The following TAP1 variants were observed in gnomAD, a reference collection of about 807,000 sequenced individuals.
TAP1 encodes antigen peptide transporter 1.
Under a neutral mutation model 79.3 loss-of-function variants are expected in TAP1, and 56 were observed. The ratio of observed to expected loss-of-function variants is 0.71; its 90% CI spans 0.57 to 0.88. The LOEUF is 0.88. TAP1 is among the 40% of genes least tolerant of loss of function. TAP1 has a pLI of 0.00. For synonymous variants in TAP1, 355 were observed against 401.4 expected (o/e 0.88, Z 1.38); for missense variants, 737 against 936.3 (o/e 0.79, Z 2.78).
At chr6:32,849,280 T>G in intron 5 of TAP1, 162 bp from the exon 6 acceptor site, 1 of 781,204 alleles carries the variant, frequency 1.3e-6, no homozygotes, top group Non-Finnish European at 2.1e-6. Flanking sequence ...CCCCATGGAG[T>G]CTGACTCAAT....
chr6:32,847,294 TCACA>T lies in TAP1; in HGVS notation c.1904-94_1904-91del. 6.4e-7 allele frequency: 1 copy of T among 1,573,586 alleles called. No individual in the cohort carries two copies. Among genetic ancestry groups the T allele is most frequent in the Non-Finnish European group, 8.7e-7 (1 of 1,154,890 alleles). On this transcript the variant is annotated intron_variant, in intron 9 of 10. Coordinates refer to ENST00000354258, the MANE Select transcript of TAP1 (RefSeq NM_000593.6). This position sits in a 1 kb window ranked among gnomAD's most constrained non-coding sequence, Gnocchi z 4.7. ...CAGACACACTCATGCATTCACGCACTCACACACACCAAGATCTGACGGTTGTAGC... is the reference window on the plus strand; with the variant it reads ...CAGACACACTCATGCATTCACGCACTCACACCAAGATCTGACGGTTGTAGC...
Position 32,847,554 on chromosome 6 carries a change from G to A in TAP1, c.1862C>T (p.Ala621Val), listed in dbSNP as rs139871208. The change falls in exon 9 of 11, where the codon GCC becomes GTC. Residue 621 changes from alanine to valine, a missense_variant. Coordinates refer to ENST00000354258, the MANE Select transcript of TAP1 (RefSeq NM_000593.6). This position sits in a 1 kb window ranked among gnomAD's most constrained non-coding sequence, Gnocchi z 4.7. ...AGGGAGTCCAGAGATGAAACTATGG[G>A]CCCCAGACTTTACTGCAGCAGCTGT... ...EITAAAVKSG[A>V]HSFISGLPQG... The A allele has an allele frequency of 6.2e-7, 1 of 1,613,992 alleles. No homozygotes were observed. The highest frequency in any genetic ancestry group is 1.3e-5 in the African/African-American group (1 of 75,030).
At chr6:32,846,977 G>A in intron 10 of TAP1, 91 bp downstream of exon 10, 2 of 1,581,264 alleles carry the variant, frequency 1.3e-6, no homozygotes, top group African/African-American at 1.3e-5. Context: ...GGACTGGTTT[G>A]TATAATTATG....
In TAP1 at chr6:32,850,239, T is replaced by G; in HGVS notation, c.1248+81A>C. The G allele has an allele frequency of 6.8e-7, 1 of 1,461,798 alleles. No individual in the cohort carries two copies. The highest frequency in any genetic ancestry group is 2.3e-5 in the East Asian group (1 of 44,164). The allele number at this position is 1,461,798 out of a possible 1,614,324, so 90.6% of individuals were successfully genotyped here. On this transcript the variant is annotated intron_variant, in intron 5 of 10. Transcript: ENST00000354258. The surrounding 1 kb of genome is among the most constrained non-coding windows in gnomAD (Gnocchi z 5.5). ...CAACCATTTCCCAGTAAAGGAGGAG[T>G]GGGAGCAGGGTCATAGGAATGGGAA...
Position 32,851,190 on chromosome 6 carries a change from G to C in TAP1, c.845-41C>G, listed in dbSNP as rs1252306379. On this transcript the variant is annotated intron_variant, in intron 3 of 10. Coordinates refer to ENST00000354258, the MANE Select transcript of TAP1 (RefSeq NM_000593.6). This position sits in a 1 kb window ranked among gnomAD's most constrained non-coding sequence, Gnocchi z 4.8. Reference sequence around the variant, plus strand: ...GAAGAGAGTGAGGTGAATCAGACAGGTTCCAAGTGATGAGACGAACTAACA... The same window carrying C: ...GAAGAGAGTGAGGTGAATCAGACAGCTTCCAAGTGATGAGACGAACTAACA... 1 of 1,596,558 alleles carries C rather than the reference G, an allele frequency of 6.3e-7. No homozygotes were observed.
chr6:32,853,268 C>T lies in TAP1; in HGVS notation c.369G>A (p.Gly123=), dbSNP rs760088609. 4 of 1,589,320 alleles carry T rather than the reference C, an allele frequency of 2.5e-6. No individual in the cohort carries two copies. The highest frequency in any genetic ancestry group is 2.6e-6 in the Non-Finnish European group (3 of 1,167,298). Residue 123 remains glycine (G), a synonymous_variant, in exon 1 of 11, where the codon GGG becomes GGA. Transcript: ENST00000354258. The surrounding 1 kb of genome is among the most constrained non-coding windows in gnomAD (Gnocchi z 8.3). The stretch of plus-strand genomic sequence containing the variant: ...GCAGTAGCCTGGTGCTATCCGCGGA[C>T]CCGGGGGCTCCCCATGAGATCAGCT... ...FRELISWGAP[G]SADSTRLLHW...
Position 32,853,076 on chromosome 6 carries a change from G to T in TAP1, c.561C>A (p.Leu187=), listed in dbSNP as rs777396404. 6.2e-7 allele frequency: 1 copy of T among 1,612,574 alleles called. No homozygotes were observed. The change falls in exon 1 of 11, where the codon CTC becomes CTA. Residue 187 remains leucine, a synonymous_variant. Coordinates refer to ENST00000354258, the MANE Select transcript of TAP1 (RefSeq NM_000593.6). This position sits in a 1 kb window ranked among gnomAD's most constrained non-coding sequence, Gnocchi z 8.3. ...LGCLGSETRR[L]SLFLVLVVLS... is the part of the protein sequence containing the mutation. ...GGACCACCAGGACCAGGAACAGCGA[G>T]AGGCGGCGCGTCTCCGAGCCCAGGC...
Position 32,853,454 on chromosome 6 carries a change from G to T in TAP1, c.183C>A (p.Gly61=). 1 of 1,611,658 alleles carries T rather than the reference G, an allele frequency of 6.2e-7. No homozygotes were observed. The stretch of plus-strand genomic sequence containing the variant: ...GCCAGAGCACGGCCCAGCGGCTCAG[G>T]CCCACCGCCCAGACCCGGAGCAGTG... The part of the protein sequence containing the change: ...ALPLLRVWAV[G]LSRWAVLWLG... Residue 61 remains glycine, a synonymous_variant, in exon 1 of 11, where the codon GGC becomes GGA. Transcript: ENST00000354258. This position sits in a 1 kb window ranked among gnomAD's most constrained non-coding sequence, Gnocchi z 8.3.
At position 32,852,782 on chromosome 6, in the gene TAP1, C is replaced by T; in HGVS notation, c.598+257G>A. 1 of 1,441,510 alleles carries T rather than the reference C, an allele frequency of 6.9e-7. No individual in the cohort carries two copies. The highest frequency in any genetic ancestry group is 9.0e-7 in the Non-Finnish European group (1 of 1,105,968). 89.3% of individuals were successfully genotyped at this position (1,441,510 alleles called of 1,614,324 possible). On this transcript the variant is annotated intron_variant, in intron 1 of 10. Transcript: ENST00000354258. This position sits in a 1 kb window ranked among gnomAD's most constrained non-coding sequence, Gnocchi z 4.8. Reference sequence around the variant, plus strand: ...ATGAGGATGCCCCGCCCTTCGGCCCCAGAGCAAAGGATTTCCCCGCTTCCG... The same window carrying T: ...ATGAGGATGCCCCGCCCTTCGGCCCTAGAGCAAAGGATTTCCCCGCTTCCG...
Position 32,845,874 on chromosome 6 carries a change from G to T in TAP1, c.2041-89C>A. 1 of 1,116,756 alleles carries T rather than the reference G, an allele frequency of 9.0e-7. No individual in the cohort carries two copies. The highest frequency in any genetic ancestry group is 1.3e-6 in the Non-Finnish European group (1 of 760,206). The allele number at this position is 1,116,756 out of a possible 1,614,324, so 69.2% of individuals were successfully genotyped here. A position where few individuals can be genotyped will look rare whatever the true frequency, so the allele number is the denominator to read the frequency against. On this transcript the variant is annotated intron_variant, in intron 10 of 10. Transcript: ENST00000354258. This position sits in a 1 kb window ranked among gnomAD's most constrained non-coding sequence, Gnocchi z 4.5. The stretch of plus-strand genomic sequence containing the variant: ...TTCCAGGGCTGGGACTGACCTCACA[G>T]GATCACTGCTGGCTCTGCTAACAAC...
Position 32,853,034 on chromosome 6 carries a change from C to T in TAP1, c.598+5G>A. 1.2e-6 allele frequency: 2 copies of T among 1,611,308 alleles called. No individual in the cohort carries two copies. Among genetic ancestry groups the T allele is most frequent in the South Asian group, 2.2e-5 (2 of 91,022 alleles). On this transcript the variant is annotated splice_donor_5th_base_variant and intron_variant, in intron 1 of 10. Coordinates refer to ENST00000354258, the MANE Select transcript of TAP1 (RefSeq NM_000593.6). This position sits in a 1 kb window ranked among gnomAD's most constrained non-coding sequence, Gnocchi z 8.3. ...TCCTCCCCTCTTGCCCTGCGTTCCCCTTACCAAGAGAGGAGAGGACCACCA... is the reference window on the plus strand; with the variant it reads ...TCCTCCCCTCTTGCCCTGCGTTCCCTTTACCAAGAGAGGAGAGGACCACCA...
Position 32,849,085 on chromosome 6 carries a change from A to G in TAP1, c.1282T>C (p.Tyr428His). ...SGMLLKVGIL[Y>H]IGGQLVTSGA... is the part of the protein sequence containing the mutation. ...CTGGTCACCAGCTGCCCACCAATGT[A>G]GAGGATTCCCACTTTCAGCAGCATA... Residue 428 changes from tyrosine (Y) to histidine (H), a missense_variant, in exon 6 of 11, where the codon TAC becomes CAC. Transcript: ENST00000354258. 1 of 1,593,362 alleles carries G rather than the reference A, an allele frequency of 6.3e-7. No homozygotes were observed. Among genetic ancestry groups the G allele is most frequent in the East Asian group, 2.2e-5 (1 of 44,458 alleles).
intron 10 of TAP1, among the ~76,000 whole-genome samples, chr6:32,846,754 C>T (rs1385874086): frequency 1.3e-5 from 2 of 151,738 alleles, no homozygotes; most frequent in African/African-American, 2.4e-5. Flanking sequence ...CAGGTTGAAG[C>T]TGCAGTGAGC....
chr6:32,846,882 A>G (rs4711312), intron 10 of TAP1, among the ~76,000 whole-genome samples, 186 bp downstream of exon 10: 25,779 of 151,950 alleles, frequency 0.17, 2,219 homozygotes, highest in African/African-American at 0.21. Flanking sequence ...CTTTTAACTG[A>G]TTCTAGGTGT....
rs1298707908 is a variant in TAP1 at position 32,847,497 on chromosome 6, T to G, written c.1903+16A>C. The G allele has an allele frequency of 6.2e-7, 1 of 1,613,078 alleles. No homozygotes were observed. ...AGGTAAAGATGGCTGGGTGGTGAGA[T>G]GAGTGGAGAGAGTACCTGTGTCATA... is the stretch of plus-strand genomic sequence containing the variant. On this transcript the variant is annotated intron_variant, in intron 9 of 10. Coordinates refer to ENST00000354258, the MANE Select transcript of TAP1 (RefSeq NM_000593.6). This position sits in a 1 kb window ranked among gnomAD's most constrained non-coding sequence, Gnocchi z 4.7.
intron 10 of TAP1, chr6:32,846,630 G>A (rs753524934): frequency 1.7e-5 from 5 of 302,194 alleles, no homozygotes; most frequent in Non-Finnish European, 3.2e-5. Context: ...GGCCAGCCTG[G>A]GCAACATGGT....
At chr6:32,849,254 G>A in intron 5 of TAP1, 136 bp from the exon 6 acceptor site, 1 of 1,075,628 alleles carries the variant, frequency 9.3e-7, no homozygotes, top group Non-Finnish European at 1.4e-6. Context: ...AGGCAGACAG[G>A]AGAATGAACC....
chr6:32,846,588 G>T (rs148628008), intron 10 of TAP1: 12 of 277,452 alleles, frequency 4.3e-5, no homozygotes, highest in Non-Finnish European at 7.8e-5. Context: ...GGGAGGCTGA[G>T]GGGGGCAGAT....
In TAP1 at chr6:32,852,996, C is replaced by G. The variant is rs763182575; in HGVS notation, c.598+43G>C. ...TGACAATTACCTTTGATTCCTGTCC[C>G]AGTCCCCTTGTGTCCTCCCCTCTTG... is the stretch of plus-strand genomic sequence containing the variant. On this transcript the variant is annotated intron_variant, in intron 1 of 10. Transcript: ENST00000354258. The surrounding 1 kb of genome is among the most constrained non-coding windows in gnomAD (Gnocchi z 4.8). 1 of 1,575,360 alleles carries G rather than the reference C, an allele frequency of 6.3e-7. No individual in the cohort carries two copies. Among genetic ancestry groups the G allele is most frequent in the East Asian group, 2.3e-5 (1 of 43,704 alleles).
Sources: gnomAD v4.1 joint callset for allele counts (sites outside exome capture counted in the v4.1 genomes callset) on GRCh38, gnomAD v4.1.1 for gene constraint, Gnocchi (gnomAD v3.1) non-coding constraint, MANE v1.5 for transcripts, NCBI Gene and HGNC (gene_info 2026-07-23, HGNC 2026-07-21) for gene names.